SMAD2: variants seen among roughly 807,000 people sequenced by gnomAD.
The protein encoded by SMAD2 is MAD homolog 2.
In SMAD2, 8 loss-of-function variants were observed where a neutral mutation model predicts 64.4. That is an observed-to-expected ratio of 0.12 (90% confidence interval 0.07 to 0.22). The LOEUF is 0.22. Among genes scored for constraint, SMAD2 ranks in the 10% least tolerant of loss-of-function variants. The pLI is 1.00. For missense variants in SMAD2, 289 were observed against 561.2 expected (o/e 0.51, Z 4.90); for synonymous variants, 203 against 195.8 (o/e 1.04, Z -0.31).
At chr18:47,881,586 T>C (rs1403865411) in intron 2 of SMAD2, among the ~76,000 whole-genome samples, 1 of 152,226 alleles carries the variant, frequency 6.6e-6, no homozygotes, top group Non-Finnish European at 1.5e-5. Context: ...TTATATTTTG[T>C]TTTCCTGACT....
chr18:47,925,135 C>G (rs750993205), intron 1 of SMAD2, among the ~76,000 whole-genome samples: 2 of 152,178 alleles, frequency 1.3e-5, no homozygotes, highest in African/African-American at 4.8e-5. Flanking sequence ...AAGGTAGACA[C>G]GTGTACTAAA....
chr18:47,896,486 T>C (rs1158895343), intron 2 of SMAD2, 35 bp downstream of exon 2: 2 of 1,607,876 alleles, frequency 1.2e-6, no homozygotes, highest in African/African-American at 1.3e-5. Flanking sequence ...TTCCTTGACA[T>C]AATTTGATCA....
At chr18:47,877,148 G>A (rs1489462428) in intron 2 of SMAD2, among the ~76,000 whole-genome samples, 1 of 150,532 alleles carries the variant, frequency 6.6e-6, no homozygotes, top group African/African-American at 2.4e-5. Flanking sequence ...TGATCTTCTT[G>A]CCTAAACAGT....
chr18:47,846,764 T>C (rs1167367480), intron 8 of SMAD2, among the ~76,000 whole-genome samples: 1 of 152,100 alleles, frequency 6.6e-6, no homozygotes, highest in Non-Finnish European at 1.5e-5. Context: ...TTTGGCCTTG[T>C]TAAACCCTGA....
intron 2 of SMAD2, among the ~76,000 whole-genome samples, chr18:47,891,194 AC>A (rs756511934): frequency 2.0e-5 from 3 of 152,142 alleles, no homozygotes; most frequent in Non-Finnish European, 2.9e-5. Flanking sequence ...AATCCCAGCT[AC>A]TTGGGAGGCT....
chr18:47,841,794 T>TA lies in SMAD2; in HGVS notation c.*32dup. On this transcript the variant is annotated 3_prime_UTR_variant, in exon 11 of 11. Transcript: ENST00000262160. The stretch of plus-strand genomic sequence containing the variant: ...TGCTATGACAGAAGAGTTGTTACAT[T>TA]AAGTCTTTTCATGGGACTTGATTGG... 6.2e-7 allele frequency: 1 copy of TA among 1,613,570 alleles called. No individual in the cohort carries two copies. Among genetic ancestry groups the TA allele is most frequent in the Non-Finnish European group, 8.5e-7 (1 of 1,179,490 alleles).
chr18:47,814,973 C>T lies in SMAD2; in HGVS notation c.*26854G>A. ...ACAGCAGTGAACAAAAGCCAGGGAC[C>T]CACTTACATTACCCAGTAGACTCAG... is the stretch of plus-strand genomic sequence containing the variant. On this transcript the variant is annotated 3_prime_UTR_variant, in exon 11 of 11. Coordinates refer to ENST00000262160, the MANE Select transcript of SMAD2 (RefSeq NM_005901.6). 6.6e-6 allele frequency: 1 copy of T among 152,612 alleles called. No homozygotes were observed. The highest frequency in any genetic ancestry group is 1.5e-5 in the Non-Finnish European group (1 of 68,324). The allele number at this position is 152,612 out of a possible 1,614,324, so 9.5% of individuals were successfully genotyped here.
At chr18:47,860,403 C>T (rs967708589) in intron 6 of SMAD2, among the ~76,000 whole-genome samples, 1 of 151,756 alleles carries the variant, frequency 6.6e-6, no homozygotes, top group African/African-American at 2.4e-5. Context: ...TCTTAAGTAG[C>T]TGGGACCACA....
chr18:47,848,423 A>G (rs1033536774), intron 8 of SMAD2, 52 bp downstream of exon 8: 5 of 1,338,598 alleles, frequency 3.7e-6, no homozygotes, highest in Non-Finnish European at 4.3e-6. Context: ...TGCAATGCCT[A>G]CATTATGAGT....
chr18:47,920,267 A>T (rs1363369339), intron 1 of SMAD2: 2 of 152,222 alleles, frequency 1.3e-5, no homozygotes, highest in Admixed American at 1.3e-4. Context: ...TATCTCCCAA[A>T]GATCCCATTT....
At chr18:47,886,982 CG>C (rs1357468266) in intron 2 of SMAD2, 1 of 151,542 alleles carries the variant, frequency 6.6e-6, no homozygotes, top group East Asian at 1.9e-4. Context: ...CGTAGACACA[CG>C]TAACATCCCT....
intron 1 of SMAD2, among the ~76,000 whole-genome samples, chr18:47,901,208 T>A (rs185667847): frequency 1.0e-3 from 153 of 152,282 alleles, no homozygotes; most frequent in Admixed American, 1.8e-3. Context: ...TGGGTACACA[T>A]AAAGGATTGT....
At chr18:47,860,431 CT>C (rs1277738814) in intron 6 of SMAD2, among the ~76,000 whole-genome samples, 2 of 151,464 alleles carry the variant, frequency 1.3e-5, no homozygotes, top group Non-Finnish European at 2.9e-5. Flanking sequence ...GCCACTACCC[CT>C]GGCTAATTTA....
intron 6 of SMAD2, among the ~76,000 whole-genome samples, chr18:47,860,953 T>C (rs899563421): frequency 2.6e-5 from 4 of 152,222 alleles, no homozygotes; most frequent in African/African-American, 9.6e-5. Flanking sequence ...AAATGTGTTC[T>C]TCCTATAATC....
At position 47,850,842 on chromosome 18, in the gene SMAD2, TTATATATTA is replaced by T. The variant is rs1298897781; in HGVS notation, c.784+423_784+431del. Among the ~76,000 whole-genome samples the T allele has an allele frequency of 1.6e-3, 10 of 6,080 alleles. 1 individual carries two copies. The highest frequency in any genetic ancestry group is 2.9e-3 in the Admixed American group (1 of 346). 4.0% of individuals were successfully genotyped at this position (6,080 alleles called of 152,430 possible). ...TTATATATTATATATATTATGTATA[TTATATATTA>T]TATATATTATATATATTATGTATAA... On this transcript the variant is annotated intron_variant, in intron 7 of 10. Coordinates refer to ENST00000262160, the MANE Select transcript of SMAD2 (RefSeq NM_005901.6).
rs187614237 is a variant in SMAD2, at chr18:47,827,678, C to T, written c.*14149G>A. On this transcript the variant is annotated 3_prime_UTR_variant, in exon 11 of 11. Coordinates refer to ENST00000262160, the MANE Select transcript of SMAD2 (RefSeq NM_005901.6). ...GTATTTTTTGGTGGAGACGGGGTTT[C>T]GCCGTGTTGGCCAGGCTGGTCTCCA... 0.014 allele frequency: 2,199 copies of T among 158,346 alleles called. 23 individuals are homozygous for T. The highest frequency in any genetic ancestry group is 0.025 in the African/African-American group (1,047 of 41,610). 9.8% of individuals were successfully genotyped at this position (158,346 alleles called of 1,614,324 possible).
chr18:47,870,914 CCA>C (rs2031893345), intron 2 of SMAD2, among the ~76,000 whole-genome samples: 2 of 152,148 alleles, frequency 1.3e-5, no homozygotes, highest in South Asian at 4.1e-4. Flanking sequence ...ATTTTATAAT[CCA>C]GTTTTTTAAA....
At position 47,820,941 on chromosome 18, in the gene SMAD2, A is replaced by ACACACACACACACAC. The variant is rs1912553923; in HGVS notation, c.*20885_*20886insGTGTGTGTGTGTGTG. On this transcript the variant is annotated 3_prime_UTR_variant, in exon 11 of 11. Transcript: ENST00000262160. ...CACACACACACACACACACACACAC[A>ACACACACACACACAC]AAATTTGGTCCCCAATGTTAGAACA... The ACACACACACACACAC allele has an allele frequency of 6.7e-6, 1 of 148,156 alleles. No individual in the cohort carries two copies. Among genetic ancestry groups the ACACACACACACACAC allele is most frequent in the African/African-American group, 2.5e-5 (1 of 40,362 alleles). 9.2% of individuals were successfully genotyped at this position (148,156 alleles called of 1,614,324 possible).
At chr18:47,911,333 A>T (rs2144515596) in intron 1 of SMAD2, among the ~76,000 whole-genome samples, 1 of 151,682 alleles carries the variant, frequency 6.6e-6, no homozygotes, top group Admixed American at 6.6e-5. Context: ...TCTGGGCAAC[A>T]GAGCGAGACT....
Sources: allele counts gnomAD v4.1 joint callset (sites outside exome capture counted in the v4.1 genomes callset), GRCh38; gene constraint gnomAD v4.1.1; transcripts MANE v1.5; gene names NCBI Gene and HGNC (gene_info 2026-07-23, HGNC 2026-07-21).